KIAA0825: variants seen among roughly 807,000 people sequenced by gnomAD.
KIAA0825 encodes KIAA0825, also known as uncharacterized protein KIAA0825.
KIAA0825 carries 119 observed loss-of-function variants against 147.6 expected under a neutral mutation model. The observed-to-expected ratio is 0.81, with a 90% confidence interval of 0.69 to 0.94. KIAA0825 has a LOEUF of 0.94. Ranked by LOEUF, KIAA0825 falls within the 40% of genes least tolerant of loss-of-function variation. KIAA0825 has a pLI of 0.00. For missense variants in KIAA0825, 1,381 were observed against 1,472.7 expected, an observed-to-expected ratio of 0.94 and a Z score of 1.02; for synonymous variants, 470 against 518.1, an observed-to-expected ratio of 0.91 and a Z score of 1.26.
In KIAA0825 at chr5:94,582,413, TGAA is replaced by T. The variant is rs1782369585; in HGVS notation, c.-2+17_-2+19del. 2 of 152,308 alleles carry T rather than the reference TGAA, an allele frequency of 1.3e-5. No homozygotes were observed. Among genetic ancestry groups the T allele is most frequent in the South Asian group, 4.1e-4 (2 of 4,822 alleles). The allele number at this position is 152,308 out of a possible 1,614,324, so 9.4% of individuals were successfully genotyped here. A position where few individuals can be genotyped will look rare whatever the true frequency, so the allele number is the denominator to read the frequency against. ...GGCATAGTATAAATTACTCAAAATA[TGAA>T]GAAAAACATTTCTTACCTAATTTTA... is the stretch of plus-strand genomic sequence containing the variant. On this transcript the variant is annotated intron_variant, in intron 2 of 20. Transcript: ENST00000682413.
chr5:94,237,630 T>C (rs1775124417), intron 20 of KIAA0825, among the ~76,000 whole-genome samples: 1 of 152,170 alleles, frequency 6.6e-6, no homozygotes, highest in Non-Finnish European at 1.5e-5. Flanking sequence ...GTAGTATACA[T>C]TTTTTACCAC....
intron 20 of KIAA0825, among the ~76,000 whole-genome samples, chr5:94,301,387 T>A (rs1778394420): frequency 6.7e-6 from 1 of 150,130 alleles, no homozygotes; most frequent in African/African-American, 2.4e-5. Context: ...AATAAATAAA[T>A]ATATATATAT....
chr5:94,483,566 CT>C (rs1036365474), intron 6 of KIAA0825, among the ~76,000 whole-genome samples: 8 of 151,030 alleles, frequency 5.3e-5, no homozygotes, highest in Non-Finnish European at 1.0e-4. Flanking sequence ...AAATCTTTGG[CT>C]TTTTTTTGGT....
intron 14 of KIAA0825, among the ~76,000 whole-genome samples, chr5:94,437,455 T>A (rs949297217): frequency 4.6e-5 from 7 of 152,166 alleles, no homozygotes; most frequent in African/African-American, 1.7e-4. Flanking sequence ...ATGATGGGTG[T>A]TTGAGCAGGT....
At chr5:94,371,562 C>T (rs1334622784) in intron 20 of KIAA0825, among the ~76,000 whole-genome samples, 1 of 152,074 alleles carries the variant, frequency 6.6e-6, no homozygotes, top group Non-Finnish European at 1.5e-5. Flanking sequence ...GGGGGAAGCC[C>T]CTTATTAAAC....
chr5:94,232,837 C>T (rs1352171901), intron 20 of KIAA0825, among the ~76,000 whole-genome samples: 1 of 152,008 alleles, frequency 6.6e-6, no homozygotes, highest in Non-Finnish European at 1.5e-5. Context: ...ATATTTCTTG[C>T]TCTCTAGACA....
At chr5:94,509,501 C>T (rs1766186842) in intron 5 of KIAA0825, among the ~76,000 whole-genome samples, 1 of 152,076 alleles carries the variant, frequency 6.6e-6, no homozygotes, top group African/African-American at 2.4e-5. Flanking sequence ...ATCTCTGAGT[C>T]ACAGAAATAA....
chr5:94,423,206 G>A (rs143381275), intron 14 of KIAA0825, among the ~76,000 whole-genome samples: 1 of 152,256 alleles, frequency 6.6e-6, no homozygotes, highest in East Asian at 1.9e-4. Context: ...GAAGGGATAA[G>A]CTTAATTCTG....
At chr5:94,155,226 T>C (rs1766929325) in intron 20 of KIAA0825, among the ~76,000 whole-genome samples, 1 of 148,834 alleles carries the variant, frequency 6.7e-6, no homozygotes, top group South Asian at 2.1e-4. Context: ...TTTTTTTTTT[T>C]TTTTTTTTTG....
At chr5:94,186,784 A>G (rs1273872441) in intron 20 of KIAA0825, among the ~76,000 whole-genome samples, 12 of 152,210 alleles carry the variant, frequency 7.9e-5, no homozygotes, top group Admixed American at 7.9e-4. Context: ...GCTACCAGAG[A>G]GGGTGTTGTG....
rs543620016 is a variant in KIAA0825 at position 94,272,316 on chromosome 5, C to A, written c.3710+112052G>T. The stretch of plus-strand genomic sequence containing the variant: ...GACTACACTCAACAATAATTTACTG[C>A]ACATTTAAAAATAACTAAAAGAGTA... On this transcript the variant is annotated intron_variant, in intron 20 of 20. Transcript: ENST00000682413. Among the ~76,000 whole-genome samples, 38 of 151,768 alleles carry A rather than the reference C, an allele frequency of 2.5e-4. No individual in the cohort carries two copies. In the South Asian group the frequency reaches 7.7e-3, roughly 31 times the overall value.
intron 20 of KIAA0825, among the ~76,000 whole-genome samples, chr5:94,157,697 G>A (rs763051058): frequency 5.9e-5 from 9 of 151,482 alleles, no homozygotes; most frequent in Non-Finnish European, 1.2e-4. Context: ...TTTGCTCACC[G>A]ACAATGAGAC....
chr5:94,215,639 C>T (rs185069636), intron 20 of KIAA0825, among the ~76,000 whole-genome samples: 4 of 152,180 alleles, frequency 2.6e-5, no homozygotes, highest in African/African-American at 9.6e-5. Context: ...CTGTATTTCT[C>T]TCTTCCCCTT....
chr5:94,332,977 T>G (rs1391590980), intron 20 of KIAA0825, among the ~76,000 whole-genome samples: 1 of 152,212 alleles, frequency 6.6e-6, no homozygotes, highest in Non-Finnish European at 1.5e-5. Context: ...TAATGACCAG[T>G]GATGATGAGC....
chr5:94,249,963 G>A (rs1055023224), intron 20 of KIAA0825, among the ~76,000 whole-genome samples: 24 of 152,022 alleles, frequency 1.6e-4, no homozygotes, highest in South Asian at 4.2e-4. Flanking sequence ...CAGTAAATAC[G>A]TTTTTGATGA....
chr5:94,316,667 T>G lies in KIAA0825; in HGVS notation c.3710+67701A>C, dbSNP rs538616845. Among the ~76,000 whole-genome samples the G allele has an allele frequency of 7.2e-5, 11 of 151,922 alleles. No individual in the cohort carries two copies. In the East Asian group the frequency reaches 1.9e-3, roughly 27 times the overall value. On this transcript the variant is annotated intron_variant, in intron 20 of 20. Transcript: ENST00000682413. ...ATATATTAATAGAAACAGTCCACTC[T>G]GAATCAGGAGGATGTATCTTCCTCC...
At chr5:94,563,602 TG>T (rs1240061554) in intron 2 of KIAA0825, among the ~76,000 whole-genome samples, 1 of 152,212 alleles carries the variant, frequency 6.6e-6, no homozygotes, top group African/African-American at 2.4e-5. Context: ...CAATGACAAT[TG>T]TATCTTTGAA....
At chr5:94,525,703 A>G (rs552782464) in intron 3 of KIAA0825, among the ~76,000 whole-genome samples, 2 of 151,962 alleles carry the variant, frequency 1.3e-5, no homozygotes, top group Non-Finnish European at 2.9e-5. Flanking sequence ...AATAGATTAC[A>G]GCAATGTGAA....
intron 2 of KIAA0825, chr5:94,569,799 C>T: frequency 4.8e-6 from 1 of 206,696 alleles, no homozygotes. Context: ...GCTAACGGTG[C>T]CTCAATATTC....
Sources: allele counts gnomAD v4.1 joint callset (sites outside exome capture counted in the v4.1 genomes callset), GRCh38; gene constraint gnomAD v4.1.1; transcripts MANE v1.5; gene names NCBI Gene and HGNC (gene_info 2026-07-23, HGNC 2026-07-21).